SMIM12: variants seen among roughly 807,000 people sequenced by gnomAD.
SMIM12 encodes the protein UPF0767 protein C1orf212.
In SMIM12, 5 loss-of-function variants were observed where a neutral mutation model predicts 6.3. That is an observed-to-expected ratio of 0.80 (90% CI 0.42 to 1.68). SMIM12 has a LOEUF of 1.68. Among genes scored for constraint, SMIM12 ranks in the 40% most tolerant of loss-of-function variants. The probability of loss-of-function intolerance (pLI) is 0.02; values close to 1 mark genes in which losing one functional copy is unlikely to be tolerated. For missense variants in SMIM12, 103 were observed against 121.4 expected, an observed-to-expected ratio of 0.85 and a Z score of 0.71; for synonymous variants, 51 against 48.0, an observed-to-expected ratio of 1.06 and a Z score of -0.26.
chr1:34,853,585 C>T lies in SMIM12; in HGVS notation c.*2114G>A, dbSNP rs1251521793. On this transcript the variant is annotated 3_prime_UTR_variant, in exon 2 of 2. Transcript: ENST00000521580. Reference sequence around the variant, plus strand: ...TCATATAAGATATTCGTTGCAGTATCTAAACGAGTGACCAACCAGAAACAA... The same window carrying T: ...TCATATAAGATATTCGTTGCAGTATTTAAACGAGTGACCAACCAGAAACAA... 6.6e-6 allele frequency: 1 copy of T among 152,234 alleles called. No individual in the cohort carries two copies. Among genetic ancestry groups the T allele is most frequent in the East Asian group, 1.9e-4 (1 of 5,202 alleles). The allele number at this position is 152,234 out of a possible 1,614,324, so 9.4% of individuals were successfully genotyped here. A position where few individuals can be genotyped will look rare whatever the true frequency, so the allele number is the denominator to read the frequency against.
At position 34,855,933 on chromosome 1, in the gene SMIM12, A is replaced by T; in HGVS notation, c.45T>A (p.Tyr15Ter). Reference sequence around the variant, plus strand: ...CCACGAAGGCAACAGGGAATGTGACATAAGGAGCATAGGTACGAACCACGG... The same window carrying T: ...CCACGAAGGCAACAGGGAATGTGACTTAAGGAGCATAGGTACGAACCACGG... The part of the protein sequence containing the change: ...FWTVVRTYAP[Y>*]VTFPVAFVVG... Residue 15 changes from tyrosine (Y) to a stop codon, truncating the protein, a stop_gained, in exon 2 of 2, where the codon TAT becomes TAA. Transcript: ENST00000521580. LOFTEE classifies it high-confidence loss of function. 6.4e-7 allele frequency: 1 copy of T among 1,551,646 alleles called. No homozygotes were observed. Among genetic ancestry groups the T allele is most frequent in the African/African-American group, 1.4e-5 (1 of 73,156 alleles).
At chr1:34,856,024 T>C (rs1361991884) in intron 1 of SMIM12, 42 bp from the exon 2 acceptor site, 3 of 1,498,710 alleles carry the variant, frequency 2.0e-6, no homozygotes, top group Non-Finnish European at 2.7e-6. Flanking sequence ...CCCAGCATCA[T>C]CTCCCACCAA....
At chr1:34,859,625 G>T (rs909436736) in intron 1 of SMIM12, 52 bp downstream of exon 1, 4 of 152,378 alleles carry the variant, frequency 2.6e-5, no homozygotes, top group African/African-American at 9.6e-5. Context: ...CCGTAACTCA[G>T]AGGTTACTGG....
In SMIM12 at chr1:34,850,744, C is replaced by T. The variant is rs767148820; in HGVS notation, c.*4955G>A. The T allele has an allele frequency of 6.6e-6, 1 of 152,166 alleles. No individual in the cohort carries two copies. Among genetic ancestry groups the T allele is most frequent in the Non-Finnish European group, 1.5e-5 (1 of 68,036 alleles). 9.4% of individuals were successfully genotyped at this position (152,166 alleles called of 1,614,324 possible). The stretch of plus-strand genomic sequence containing the variant: ...AGGCCAGTAGAGGTGAAGCGGCATA[C>T]CCCAGGTCATCACTCAGATCGCTTG... On this transcript the variant is annotated 3_prime_UTR_variant, in exon 2 of 2. Transcript: ENST00000521580.
Position 34,853,984 on chromosome 1 carries a change from A to AAAACAACAAC in SMIM12, c.*1705_*1714dup, listed in dbSNP as rs1307161002. 1 of 131,396 alleles carries AAAACAACAAC rather than the reference A, an allele frequency of 7.6e-6. No homozygotes were observed. The highest frequency in any genetic ancestry group is 1.6e-5 in the Non-Finnish European group (1 of 61,992). The allele number at this position is 131,396 out of a possible 1,614,324, so 8.1% of individuals were successfully genotyped here. On this transcript the variant is annotated 3_prime_UTR_variant, in exon 2 of 2. Coordinates refer to ENST00000521580, the MANE Select transcript of SMIM12 (RefSeq NM_138428.6). ...GGCAATACAGCGAGACTCCATATTT[A>AAAACAACAAC]AAACAACAACAACAACAACAACAAA...
At chr1:34,857,864 T>C (rs911610319) in intron 1 of SMIM12, 61 of 152,300 alleles carry the variant, frequency 4.0e-4, no homozygotes, top group African/African-American at 1.4e-3. Flanking sequence ...TCATCAGGCA[T>C]TAGATTCTCA....
chr1:34,855,877 A>C lies in SMIM12; in HGVS notation c.101T>G (p.Phe34Cys). ...GGGCTGGGGGTCCTTTCCCCTGATG[A>C]ACCATTCCAGGTGGTAACCCACAGC... ...VGAVGYHLEW[F>C]IRGKDPQPVE... The change falls in exon 2 of 2, where the codon TTC becomes TGC. Residue 34 changes from phenylalanine (F) to cysteine (C), a missense_variant. Phe to Cys is a radical substitution (Grantham distance 205). Transcript: ENST00000521580. 6.4e-7 allele frequency: 1 copy of C among 1,551,674 alleles called. No homozygotes were observed. Among genetic ancestry groups the C allele is most frequent in the Non-Finnish European group, 8.7e-7 (1 of 1,147,000 alleles).
At chr1:34,857,458 G>C (rs1189700241) in intron 1 of SMIM12, 1 of 152,180 alleles carries the variant, frequency 6.6e-6, no homozygotes, top group Non-Finnish European at 1.5e-5. Flanking sequence ...TACATGCCAG[G>C]CCTTGGGCTA....
At position 34,850,918 on chromosome 1, in the gene SMIM12, C is replaced by A. The variant is rs528930561; in HGVS notation, c.*4781G>T. 1.4e-3 allele frequency: 207 copies of A among 152,330 alleles called. No homozygotes were observed. The highest frequency in any genetic ancestry group is 4.8e-3 in the African/African-American group (201 of 41,570). 9.4% of individuals were successfully genotyped at this position (152,330 alleles called of 1,614,324 possible). A position where few individuals can be genotyped will look rare whatever the true frequency, so the allele number is the denominator to read the frequency against. On this transcript the variant is annotated 3_prime_UTR_variant, in exon 2 of 2. Transcript: ENST00000521580. ...GTGGAGCCTGCAATCTCCTGACCAGCTTGTGCTTCTTGGTTCTTATGCAAG... is the reference window on the plus strand; with the variant it reads ...GTGGAGCCTGCAATCTCCTGACCAGATTGTGCTTCTTGGTTCTTATGCAAG...
In SMIM12 at chr1:34,854,803, A is replaced by ATG. The variant is rs1313155641; in HGVS notation, c.*894_*895dup. The ATG allele has an allele frequency of 5.8e-6, 1 of 172,812 alleles. No individual in the cohort carries two copies. The highest frequency in any genetic ancestry group is 1.3e-4 in the South Asian group (1 of 7,464). 10.7% of individuals were successfully genotyped at this position (172,812 alleles called of 1,614,324 possible). ...TATACTTTTATAGGGAAAGGCGTCT[A>ATG]TGTGTGTGTATGTGAGGTCTACCTC... On this transcript the variant is annotated 3_prime_UTR_variant, in exon 2 of 2. Transcript: ENST00000521580.
chr1:34,855,281 A>G lies in SMIM12; in HGVS notation c.*418T>C. 1 of 1,376,154 alleles carries G rather than the reference A, an allele frequency of 7.3e-7. No individual in the cohort carries two copies. Among genetic ancestry groups the G allele is most frequent in the Non-Finnish European group, 9.7e-7 (1 of 1,027,756 alleles). The allele number at this position is 1,376,154 out of a possible 1,614,324, so 85.2% of individuals were successfully genotyped here. A position where few individuals can be genotyped will look rare whatever the true frequency, so the allele number is the denominator to read the frequency against. On this transcript the variant is annotated 3_prime_UTR_variant, in exon 2 of 2. Transcript: ENST00000521580. ...AAGGATAGGGCAAAATAGTGAAGGG[A>G]GCCAGGTGCATATTTGAATTCTTTC...
chr1:34,859,061 G>A (rs1638740020), intron 1 of SMIM12: 1 of 152,244 alleles, frequency 6.6e-6, no homozygotes, highest in Admixed American at 6.5e-5. Flanking sequence ...CATAACAGAT[G>A]CCTTTGCTGA....
chr1:34,853,563 T>C lies in SMIM12; in HGVS notation c.*2136A>G, dbSNP rs1240187639. 6.6e-6 allele frequency: 1 copy of C among 152,270 alleles called. No homozygotes were observed. The highest frequency in any genetic ancestry group is 2.4e-5 in the African/African-American group (1 of 41,474). 9.4% of individuals were successfully genotyped at this position (152,270 alleles called of 1,614,324 possible). On this transcript the variant is annotated 3_prime_UTR_variant, in exon 2 of 2. Transcript: ENST00000521580. ...ATTCCAAAACGCAGGAAAAGCTTCATATAAGATATTCGTTGCAGTATCTAA... is the reference window on the plus strand; with the variant it reads ...ATTCCAAAACGCAGGAAAAGCTTCACATAAGATATTCGTTGCAGTATCTAA...
chr1:34,859,424 T>A (rs1255821256), intron 1 of SMIM12: 2 of 152,368 alleles, frequency 1.3e-5, no homozygotes, highest in Non-Finnish European at 1.5e-5. Context: ...CTCCCTTCTG[T>A]GAGTCTCCCG....
chr1:34,855,472 G>A lies in SMIM12; in HGVS notation c.*227C>T. The A allele has an allele frequency of 6.3e-7, 1 of 1,597,938 alleles. No individual in the cohort carries two copies. The highest frequency in any genetic ancestry group is 8.5e-7 in the Non-Finnish European group (1 of 1,169,960). On this transcript the variant is annotated 3_prime_UTR_variant, in exon 2 of 2. Transcript: ENST00000521580. ...CACCAGTAAACTCAGATGCCTGAGTGCTTGTGGCCACCACACAACAGATGC... is the reference window on the plus strand; with the variant it reads ...CACCAGTAAACTCAGATGCCTGAGTACTTGTGGCCACCACACAACAGATGC...
chr1:34,852,872 T>G lies in SMIM12; in HGVS notation c.*2827A>C, dbSNP rs1353047182. The G allele has an allele frequency of 4.6e-5, 7 of 152,404 alleles. No homozygotes were observed. The highest frequency in any genetic ancestry group is 4.6e-4 in the Admixed American group (7 of 15,276). The allele number at this position is 152,404 out of a possible 1,614,324, so 9.4% of individuals were successfully genotyped here. On this transcript the variant is annotated 3_prime_UTR_variant, in exon 2 of 2. Coordinates refer to ENST00000521580, the MANE Select transcript of SMIM12 (RefSeq NM_138428.6). ...GTTTGGTTTAGCCCAGGGAAGTGACTGCAGGCTTGGTAATGCCCAGGACTG... is the reference window on the plus strand; with the variant it reads ...GTTTGGTTTAGCCCAGGGAAGTGACGGCAGGCTTGGTAATGCCCAGGACTG...
intron 1 of SMIM12, chr1:34,858,732 T>C (rs1638728056): frequency 6.6e-6 from 1 of 152,226 alleles, no homozygotes; most frequent in Non-Finnish European, 1.5e-5. Context: ...GCATAAAGTC[T>C]CTCGCTACCG....
At position 34,853,274 on chromosome 1, in the gene SMIM12, G is replaced by A. The variant is rs929107140; in HGVS notation, c.*2425C>T. 1 of 152,326 alleles carries A rather than the reference G, an allele frequency of 6.6e-6. No homozygotes were observed. Among genetic ancestry groups the A allele is most frequent in the South Asian group, 2.1e-4 (1 of 4,834 alleles). 9.4% of individuals were successfully genotyped at this position (152,326 alleles called of 1,614,324 possible). On this transcript the variant is annotated 3_prime_UTR_variant, in exon 2 of 2. Coordinates refer to ENST00000521580, the MANE Select transcript of SMIM12 (RefSeq NM_138428.6). Reference sequence around the variant, plus strand: ...CAATACCCACTCCCTTTTAGAGGCAGATCAATTCATCAAATGCTCACTACT... The same window carrying A: ...CAATACCCACTCCCTTTTAGAGGCAAATCAATTCATCAAATGCTCACTACT...
At chr1:34,856,738 T>G (rs112131029) in intron 1 of SMIM12, 1 of 152,238 alleles carries the variant, frequency 6.6e-6, no homozygotes, top group Non-Finnish European at 1.5e-5. Flanking sequence ...TCGTTCCTTT[T>G]CCTCATGTAA....
Sources: gnomAD v4.1 joint callset for allele counts on GRCh38, gnomAD v4.1.1 for gene constraint, MANE v1.5 for transcripts, NCBI Gene and HGNC (gene_info 2026-07-23, HGNC 2026-07-21) for gene names.